ANKRD42: variants seen among roughly 807,000 people sequenced by gnomAD.
ANKRD42 encodes ankyrin repeat domain-containing protein 42.
In ANKRD42, 43 loss-of-function variants were observed where a neutral mutation model predicts 51.5. The ratio of observed to expected loss-of-function variants is 0.83; its 90% confidence interval spans 0.65 to 1.08. The LOEUF (loss-of-function observed/expected upper bound fraction) is 1.08, where lower values mean the gene tolerates loss of function less well. Among genes scored for constraint, ANKRD42 ranks in the 50% least tolerant of loss-of-function variants. The pLI is 0.00. For synonymous variants in ANKRD42, 203 were observed against 213.0 expected, an observed-to-expected ratio of 0.95 and a Z score of 0.41; for missense variants, 608 against 629.3, an observed-to-expected ratio of 0.97 and a Z score of 0.36.
intron 7 of ANKRD42, among the ~76,000 whole-genome samples, chr11:83,233,684 T>C (rs967806132): frequency 2.6e-5 from 4 of 152,170 alleles, no homozygotes; most frequent in African/African-American, 9.7e-5. Context: ...TGTTTTGTTT[T>C]GTTTTGTTTT....
intron 5 of ANKRD42, among the ~76,000 whole-genome samples, chr11:83,216,217 A>G (rs907278684): frequency 6.6e-6 from 1 of 152,214 alleles, no homozygotes; most frequent in Non-Finnish European, 1.5e-5. Context: ...TTATTGGAGT[A>G]TTCTAGGGTT....
At chr11:83,198,785 C>T (rs1170962959) in intron 2 of ANKRD42, 143 bp downstream of exon 2, 3 of 693,146 alleles carry the variant, frequency 4.3e-6, no homozygotes, top group Non-Finnish European at 6.4e-6. Flanking sequence ...TTGGGTATTC[C>T]ACTTTGCTAG....
chr11:83,203,194 C>T (rs1015119570), intron 2 of ANKRD42, among the ~76,000 whole-genome samples: 1 of 151,630 alleles, frequency 6.6e-6, no homozygotes, highest in Non-Finnish European at 1.5e-5. Flanking sequence ...GGGGTTTCAC[C>T]ACGTGGGCCA....
chr11:83,210,609 C>A (rs563047367), intron 4 of ANKRD42, among the ~76,000 whole-genome samples, 190 bp downstream of exon 4: 2 of 152,146 alleles, frequency 1.3e-5, no homozygotes, highest in African/African-American at 4.8e-5. Flanking sequence ...CTCTTCCCCC[C>A]CAAAAACCAA....
In ANKRD42 at chr11:83,227,749, T is replaced by C. The variant is rs1172661199; in HGVS notation, c.790T>C (p.Leu264=). 1 of 1,607,318 alleles carries C rather than the reference T, an allele frequency of 6.2e-7. No individual in the cohort carries two copies. The highest frequency in any genetic ancestry group is 1.3e-5 in the African/African-American group (1 of 74,488). ...EGKDLEDQET[L]AFPGHVAAFK... ...ATGCTGAATTTTTTTATTCATAGCT[T>C]TAGCATTTCCAGGTCATGTGGCTGC... The change falls in exon 7 of 11, where the codon TTA becomes CTA. Residue 264 remains leucine (L), a splice_region_variant and synonymous_variant. Transcript: ENST00000533342.
rs1491339605 is a variant in ANKRD42, at chr11:83,248,335, ACT to A, written c.*134_*135del. The stretch of plus-strand genomic sequence containing the variant: ...CACACACACACACACACACACACAC[ACT>A]CTATATGTAACTATAACTTTCTAGA... On this transcript the variant is annotated 3_prime_UTR_variant, in exon 11 of 11. Coordinates refer to ENST00000533342, the MANE Select transcript of ANKRD42 (RefSeq NM_001300975.2). The A allele has an allele frequency of 3.2e-6, 4 of 1,243,052 alleles. No homozygotes were observed. Among genetic ancestry groups the A allele is most frequent in the African/African-American group, 3.3e-5 (2 of 61,282 alleles). The allele number at this position is 1,243,052 out of a possible 1,614,324, so 77.0% of individuals were successfully genotyped here.
chr11:83,217,501 T>C (rs1002089531), intron 5 of ANKRD42, among the ~76,000 whole-genome samples: 1 of 152,178 alleles, frequency 6.6e-6, no homozygotes, highest in Admixed American at 6.5e-5. Flanking sequence ...TTGAGGACAG[T>C]CATCCGAGGC....
chr11:83,197,540 T>A (rs769584770), intron 1 of ANKRD42, among the ~76,000 whole-genome samples: 1 of 152,154 alleles, frequency 6.6e-6, no homozygotes, highest in South Asian at 2.1e-4. Flanking sequence ...CATAGATAAA[T>A]AGTAGTACAA....
intron 7 of ANKRD42, among the ~76,000 whole-genome samples, chr11:83,234,602 T>G (rs997696178): frequency 3.9e-5 from 6 of 152,248 alleles, no homozygotes; most frequent in Non-Finnish European, 8.8e-5. Flanking sequence ...CTCCTGTTTT[T>G]AAACATTTCC....
At chr11:83,253,219 G>C (rs993657018), downstream of ANKRD42, among the ~76,000 whole-genome samples, 15 of 152,182 alleles carry the variant, frequency 9.9e-5, no homozygotes, top group Non-Finnish European at 1.6e-4. Context: ...GTTTATCCAT[G>C]TTCAACTCTT....
intron 5 of ANKRD42, among the ~76,000 whole-genome samples, chr11:83,219,354 A>G (rs146399658): frequency 1.3e-5 from 2 of 152,322 alleles, no homozygotes; most frequent in African/African-American, 4.8e-5. Flanking sequence ...CGTCTTACCT[A>G]TTCCAGGGTG....
chr11:83,263,877 T>C (rs1324390442), downstream of ANKRD42, among the ~76,000 whole-genome samples: 1 of 152,196 alleles, frequency 6.6e-6, no homozygotes, highest in Non-Finnish European at 1.5e-5. Flanking sequence ...CATCCACGGT[T>C]CAGCTGATGG....
At chr11:83,235,377 G>C (rs1863193611) in intron 7 of ANKRD42, among the ~76,000 whole-genome samples, 1 of 152,148 alleles carries the variant, frequency 6.6e-6, no homozygotes, top group South Asian at 2.1e-4. Context: ...AATACTTATT[G>C]CAGTTTTATA....
chr11:83,213,670 G>A, intron 5 of ANKRD42: 3 of 649,360 alleles, frequency 4.6e-6, no homozygotes, highest in Non-Finnish European at 6.1e-6. Context: ...AGGCTATTTG[G>A]TTTTTTTGTG....
intron 7 of ANKRD42, among the ~76,000 whole-genome samples, chr11:83,235,164 G>T (rs1362147736): frequency 6.6e-6 from 1 of 152,136 alleles, no homozygotes; most frequent in Non-Finnish European, 1.5e-5. Flanking sequence ...AAGAACTAGA[G>T]ATTTCTTTTT....
chr11:83,197,245 G>T (rs576715983), intron 1 of ANKRD42, among the ~76,000 whole-genome samples: 1 of 152,196 alleles, frequency 6.6e-6, no homozygotes, highest in African/African-American at 2.4e-5. Flanking sequence ...GGACATTGCT[G>T]TCAGGTTTTT....
At chr11:83,263,284 T>C (rs1864039196), downstream of ANKRD42, among the ~76,000 whole-genome samples, 1 of 152,212 alleles carries the variant, frequency 6.6e-6, no homozygotes. Flanking sequence ...TGAAGTATAC[T>C]CTACTTCAGT....
At chr11:83,208,181 G>T (rs1372882640) in intron 3 of ANKRD42, among the ~76,000 whole-genome samples, 1 of 151,584 alleles carries the variant, frequency 6.6e-6, no homozygotes, top group Admixed American at 6.6e-5. Context: ...GCATCACCTT[G>T]CCTGGCTAAT....
chr11:83,208,557 A>G (rs1231238371), intron 3 of ANKRD42, among the ~76,000 whole-genome samples: 1 of 152,226 alleles, frequency 6.6e-6, no homozygotes, highest in African/African-American at 2.4e-5. Context: ...TGCTGTAATC[A>G]CTAACCAGAG....
Sources: gnomAD v4.1 joint callset for allele counts (sites outside exome capture counted in the v4.1 genomes callset) on GRCh38, gnomAD v4.1.1 for gene constraint, MANE v1.5 for transcripts, NCBI Gene and HGNC (gene_info 2026-07-23, HGNC 2026-07-21) for gene names.